SLC37A1: variants seen among roughly 807,000 people sequenced by gnomAD.
SLC37A1 encodes the protein solute carrier family 37 member 1.
SLC37A1 carries 49 observed loss-of-function variants against 75.3 expected under a neutral mutation model. The ratio of observed to expected loss-of-function variants is 0.65; its 90% CI spans 0.52 to 0.83. The LOEUF is 0.83. Ranked by LOEUF, SLC37A1 falls within the 40% of genes least tolerant of loss-of-function variation. The pLI is 0.00. For synonymous variants in SLC37A1, 268 were observed against 292.1 expected (o/e 0.92, Z 0.84); for missense variants, 566 against 695.0 (o/e 0.81, Z 2.09).
At chr21:42,557,642 AG>A (rs1368998156) in intron 10 of SLC37A1, among the ~76,000 whole-genome samples, 1 of 152,264 alleles carries the variant, frequency 6.6e-6, no homozygotes, top group Non-Finnish European at 1.5e-5. Context: ...GCTGCCCCCA[AG>A]GCCACCCACT....
intron 18 of SLC37A1, among the ~76,000 whole-genome samples, chr21:42,577,889 A>C (rs2147075500): frequency 6.6e-6 from 1 of 152,330 alleles, no homozygotes; most frequent in Non-Finnish European, 1.5e-5. Context: ...TAACCAGAGG[A>C]AGCCGGATTT....
chr21:42,525,124 G>A (rs2054749354), intron 2 of SLC37A1, among the ~76,000 whole-genome samples: 1 of 152,234 alleles, frequency 6.6e-6, no homozygotes, highest in Admixed American at 6.5e-5. Context: ...CCCTGGCGAG[G>A]GCACAGCAGC....
chr21:42,576,263 G>T lies in SLC37A1; in HGVS notation c.1521+1348G>T, dbSNP rs114629767. ...AGATGATATCTGCACACTGGCACAG[G>T]AAGACAATGGGAATCTGCCCATCTT... On this transcript the variant is annotated intron_variant, in intron 18 of 19. Coordinates refer to ENST00000352133, the MANE Select transcript of SLC37A1 (RefSeq NM_001320537.2). Among the ~76,000 whole-genome samples, 1,211 of 152,046 alleles carry T rather than the reference G, an allele frequency of 8.0e-3. 16 individuals are homozygous for T. The highest frequency in any genetic ancestry group is 0.036 in the East Asian group (187 of 5,180).
intron 2 of SLC37A1, 65 bp from the exon 3 acceptor site, chr21:42,525,711 G>T: frequency 8.9e-7 from 1 of 1,129,256 alleles, no homozygotes. Context: ...AGAACACAGT[G>T]ATATGTATTC....
chr21:42,504,926 C>A (rs1345318010), intron 2 of SLC37A1, among the ~76,000 whole-genome samples: 5 of 152,142 alleles, frequency 3.3e-5, no homozygotes, highest in African/African-American at 1.2e-4. Context: ...TTTCCTTCCC[C>A]CTTCCCCAAC....
At chr21:42,521,023 T>C (rs1471497470) in intron 2 of SLC37A1, among the ~76,000 whole-genome samples, 1 of 152,166 alleles carries the variant, frequency 6.6e-6, no homozygotes, top group African/African-American at 2.4e-5. Flanking sequence ...CGCCGTACAG[T>C]GGAAGCTGGC....
intron 10 of SLC37A1, among the ~76,000 whole-genome samples, chr21:42,556,940 G>A (rs1284404317): frequency 1.3e-5 from 2 of 152,152 alleles, no homozygotes; most frequent in Non-Finnish European, 2.9e-5. Context: ...TGTCTGTCTC[G>A]GGGGCTCCTT....
chr21:42,547,024 C>T lies in SLC37A1; in HGVS notation c.731-79C>T, dbSNP rs188636635. 2.1e-3 allele frequency: 3,223 copies of T among 1,566,316 alleles called. 5 individuals carry two copies. The highest frequency in any genetic ancestry group is 2.6e-3 in the Non-Finnish European group (2,969 of 1,137,226). On this transcript the variant is annotated intron_variant, in intron 8 of 19. Coordinates refer to ENST00000352133, the MANE Select transcript of SLC37A1 (RefSeq NM_001320537.2). The surrounding 1 kb of genome is among the most constrained non-coding windows in gnomAD (Gnocchi z 6.1). ...TCACACCCGGTGCTCCCGTGTTGCCCTGTCCTCGGGTTACGTAGCTTACTT... is the reference window on the plus strand; with the variant it reads ...TCACACCCGGTGCTCCCGTGTTGCCTTGTCCTCGGGTTACGTAGCTTACTT...
Position 42,542,462 on chromosome 21 carries a change from A to G in SLC37A1, c.545A>G (p.Asn182Ser). ...CCCAGCGTCGTCACCTGCCTCGGCA[A>G]CTGGTTTGGAAAAGGAAGGTGAGAA... ...GWPSVVTCLG[N>S]WFGKGRRGLI... The change falls in exon 7 of 20, where the codon AAC becomes AGC. Residue 182 changes from asparagine to serine, a missense_variant. Coordinates refer to ENST00000352133, the MANE Select transcript of SLC37A1 (RefSeq NM_001320537.2). 1 of 1,614,088 alleles carries G rather than the reference A, an allele frequency of 6.2e-7. No homozygotes were observed. Among genetic ancestry groups the G allele is most frequent in the Non-Finnish European group, 8.5e-7 (1 of 1,179,940 alleles).
intron 6 of SLC37A1, 52 bp from the exon 7 acceptor site, chr21:42,542,352 T>C: frequency 1.9e-6 from 3 of 1,560,880 alleles, no homozygotes; most frequent in Non-Finnish European, 2.6e-6. Context: ...CCTGCAGCGC[T>C]GTCCCGGGCC....
intron 9 of SLC37A1, among the ~76,000 whole-genome samples, chr21:42,551,394 G>T (rs890701413): frequency 6.6e-6 from 1 of 152,192 alleles, no homozygotes; most frequent in African/African-American, 2.4e-5. Flanking sequence ...GAAATGTCCA[G>T]AATAGGCAAA....
intron 2 of SLC37A1, among the ~76,000 whole-genome samples, chr21:42,507,324 G>A (rs2054392803): frequency 6.6e-6 from 1 of 152,222 alleles, no homozygotes. Context: ...GAGGAACCCA[G>A]GGCATGCGCC....
At chr21:42,515,275 A>G (rs2054502778) in intron 1 of SLC37A1, among the ~76,000 whole-genome samples, 3 of 152,228 alleles carry the variant, frequency 2.0e-5, no homozygotes, top group Non-Finnish European at 4.4e-5. Flanking sequence ...TCTATCTCGT[A>G]ATTTAAAAAA....
Position 42,572,677 on chromosome 21 carries a change from C to CAAAAAAAAAAAAAA in SLC37A1, c.1424-2140_1424-2127dup, listed in dbSNP as rs552610279. ...TAACAGGTTTTCAGCCACACACACA[C>CAAAAAAAAAAAAAA]AAAAAAAAAAAAAAGAGTGTGTCCT... On this transcript the variant is annotated intron_variant, in intron 17 of 19. Coordinates refer to ENST00000352133, the MANE Select transcript of SLC37A1 (RefSeq NM_001320537.2). 3.9e-4 allele frequency among the ~76,000 whole-genome samples: 31 copies of CAAAAAAAAAAAAAA among 80,432 alleles called. 2 individuals are homozygous for CAAAAAAAAAAAAAA. Among genetic ancestry groups the CAAAAAAAAAAAAAA allele is most frequent in the Non-Finnish European group, 5.8e-4 (21 of 36,254 alleles). 52.8% of individuals were successfully genotyped at this position (80,432 alleles called of 152,430 possible).
intron 10 of SLC37A1, among the ~76,000 whole-genome samples, chr21:42,555,734 A>G (rs1399321345): frequency 6.6e-6 from 1 of 152,222 alleles, no homozygotes; most frequent in African/African-American, 2.4e-5. Context: ...GCTTCTAAGT[A>G]TAGTTTCTCT....
At chr21:42,539,758 T>C in intron 6 of SLC37A1, 111 bp downstream of exon 6, 6 of 1,116,976 alleles carry the variant, frequency 5.4e-6, no homozygotes, top group Non-Finnish European at 7.4e-6. Context: ...CAGAAGTGCG[T>C]CCTGTCGGAA....
At chr21:42,574,645 T>TATAC in intron 17 of SLC37A1, among the ~76,000 whole-genome samples, 173 bp from the exon 18 acceptor site, 1 of 152,338 alleles carries the variant, frequency 6.6e-6, no homozygotes, top group Middle Eastern at 3.4e-3. Flanking sequence ...AGGCTCAACC[T>TATAC]ATACTAGGCC....
At chr21:42,554,163 A>C in intron 10 of SLC37A1, 21 bp downstream of exon 10, 1 of 1,608,812 alleles carries the variant, frequency 6.2e-7, no homozygotes, top group South Asian at 1.1e-5. Flanking sequence ...CACAACTTCC[A>C]CTTCCTAGAA....
Position 42,539,553 on chromosome 21 carries a change from C to T in SLC37A1, c.392C>T (p.Thr131Ile). The change falls in exon 6 of 20, where the codon ACT becomes ATT. Residue 131 changes from threonine to isoleucine, a missense_variant. Thr to Ile is a moderately conservative substitution (Grantham distance 89). Transcript: ENST00000352133. ...CGCCTGCCGATTAGGTATTACCTAA[C>T]TTTCGGGATGCTCGCCAGCGGAGCC... ...GERLPIRYYL[T>I]FGMLASGAFT... 1.2e-6 allele frequency: 2 copies of T among 1,613,980 alleles called. No homozygotes were observed. The highest frequency in any genetic ancestry group is 1.7e-6 in the Non-Finnish European group (2 of 1,179,952).
Sources: allele counts gnomAD v4.1 joint callset (sites outside exome capture counted in the v4.1 genomes callset), GRCh38; gene constraint gnomAD v4.1.1; non-coding constraint Gnocchi (gnomAD v3.1); transcripts MANE v1.5; gene names NCBI Gene and HGNC (gene_info 2026-07-23, HGNC 2026-07-21).